Variants in ZNF341 observed in about 807,000 individuals in gnomAD.
ZNF341 encodes zinc finger protein 341.
In ZNF341, 52 loss-of-function variants were observed where a neutral mutation model predicts 87.7. The ratio of observed to expected loss-of-function variants is 0.59; its 90% CI spans 0.47 to 0.75. The LOEUF is 0.75. Ranked by LOEUF, ZNF341 falls within the 30% of genes least tolerant of loss-of-function variation. The probability of loss-of-function intolerance (pLI) is 0.00; values close to 1 mark genes in which losing one functional copy is unlikely to be tolerated. For missense variants in ZNF341, 977 were observed against 1,145.9 expected (o/e 0.85, Z 2.13); for synonymous variants, 459 against 472.7 (o/e 0.97, Z 0.38).
chr20:33,760,462 A>G (rs1471114355), intron 7 of ZNF341, among the ~76,000 whole-genome samples: 1 of 152,206 alleles, frequency 6.6e-6, no homozygotes, highest in African/African-American at 2.4e-5. Context: ...GCTACTGACT[A>G]TACATGGCTG....
rs1250110276 is a variant in ZNF341 at position 33,791,544 on chromosome 20, C to G, written c.*27C>G. 1 of 1,519,984 alleles carries G rather than the reference C, an allele frequency of 6.6e-7. No homozygotes were observed. The allele number at this position is 1,519,984 out of a possible 1,614,324, so 94.2% of individuals were successfully genotyped here. A position where few individuals can be genotyped will look rare whatever the true frequency, so the allele number is the denominator to read the frequency against. Reference sequence around the variant, plus strand: ...GGACCTGAGGTGTCTGTTTCCTGGGCAGGCCTGATGCTCCTGTTTGGGTCC... The same window carrying G: ...GGACCTGAGGTGTCTGTTTCCTGGGGAGGCCTGATGCTCCTGTTTGGGTCC... On this transcript the variant is annotated 3_prime_UTR_variant, in exon 15 of 15. Coordinates refer to ENST00000375200, the MANE Select transcript of ZNF341 (RefSeq NM_001282933.2).
chr20:33,789,541 A>G lies in ZNF341; in HGVS notation c.1988A>G (p.Glu663Gly), dbSNP rs1342653870. Reference sequence around the variant, plus strand: ...AGGACGCACACAGGCTGCAGTAAGGAGTTCAACCGGCCGGACAAGCTGAAG... The same window carrying G: ...AGGACGCACACAGGCTGCAGTAAGGGGTTCAACCGGCCGGACAAGCTGAAG... ...PFSTHTGCSK[E>G]FNRPDKLKAH... The change falls in exon 14 of 15, where the codon GAG becomes GGG. Residue 663 changes from glutamate to glycine, a missense_variant. Around this residue, in one of 3 missense-constraint regions of ZNF341, gnomAD observed 241 missense variants for 335.0 expected, o/e 0.72. Transcript: ENST00000375200. 3 of 1,614,044 alleles carry G rather than the reference A, an allele frequency of 1.9e-6. No homozygotes were observed. Among genetic ancestry groups the G allele is most frequent in the Non-Finnish European group, 2.5e-6 (3 of 1,179,988 alleles).
chr20:33,741,345 C>T (rs925263640), intron 2 of ZNF341, among the ~76,000 whole-genome samples: 1 of 151,982 alleles, frequency 6.6e-6, no homozygotes, highest in Non-Finnish European at 1.5e-5. Context: ...AAAGAATAGG[C>T]TGAGCATGAA....
rs1050977056 is a variant in ZNF341 at position 33,747,411 on chromosome 20, C to T, written c.340-1512C>T. 1.7e-3 allele frequency among the ~76,000 whole-genome samples: 236 copies of T among 136,908 alleles called. 20 individuals carry two copies. The highest frequency in any genetic ancestry group is 8.2e-3 in the African/African-American group (228 of 27,824). The allele number at this position is 136,908 out of a possible 152,430, so 89.8% of individuals were successfully genotyped here. ...CGGGCGGATCACGAGGTCAGGAGAT[C>T]GAGACCATCCCGGCTAAAACGGTGA... On this transcript the variant is annotated intron_variant, in intron 3 of 14. Transcript: ENST00000375200.
At position 33,732,062 on chromosome 20, in the gene ZNF341, G is replaced by A; in HGVS notation, c.31+10G>A. 1.6e-6 allele frequency: 2 copies of A among 1,272,284 alleles called. No individual in the cohort carries two copies. The highest frequency in any genetic ancestry group is 2.0e-6 in the Non-Finnish European group (2 of 1,004,170). 78.8% of individuals were successfully genotyped at this position (1,272,284 alleles called of 1,614,324 possible). On this transcript the variant is annotated intron_variant, in intron 1 of 14. Transcript: ENST00000375200. This position sits in a 1 kb window ranked among gnomAD's most constrained non-coding sequence, Gnocchi z 4.5. ...TTTGAGGCCCTGGAGGGTGAGCGGC[G>A]GCGGGGCCGGCGGAGGCGGCTGTTC...
At position 33,791,232 on chromosome 20, in the gene ZNF341, G is replaced by C; in HGVS notation, c.2280G>C (p.Gly760=). Residue 760 remains glycine, a synonymous_variant, in exon 15 of 15, where the codon GGG becomes GGC. Coordinates refer to ENST00000375200, the MANE Select transcript of ZNF341 (RefSeq NM_001282933.2). Reference sequence around the variant, plus strand: ...CCCCCCGCAGTTGCGGCAGTGGTGGGCGCAAGGTGCTGACCCCCTTGCCTG... The same window carrying C: ...CCCCCCGCAGTTGCGGCAGTGGTGGCCGCAAGGTGCTGACCCCCTTGCCTG... ...RAAPRSCGSG[G]RKVLTPLPDP... 8.7e-6 allele frequency: 14 copies of C among 1,611,936 alleles called. No individual in the cohort carries two copies. Among genetic ancestry groups the C allele is most frequent in the Non-Finnish European group, 1.0e-5 (12 of 1,179,438 alleles).
In ZNF341 at chr20:33,779,714, G is replaced by A. The variant is rs80341145; in HGVS notation, c.1623-1577G>A. On this transcript the variant is annotated intron_variant, in intron 10 of 14. Coordinates refer to ENST00000375200, the MANE Select transcript of ZNF341 (RefSeq NM_001282933.2). ...GATCTGCCCACCTCAGCCTCCCAAA[G>A]TGCTGGGATTACAGGCATGAGGCAC... 2.1e-3 allele frequency among the ~76,000 whole-genome samples: 317 copies of A among 152,218 alleles called. 7 individuals carry two copies. In the East Asian group the frequency reaches 0.054, roughly 26 times the overall value.
At chr20:33,768,455 A>G (rs1374294647) in intron 9 of ZNF341, among the ~76,000 whole-genome samples, 1 of 144,340 alleles carries the variant, frequency 6.9e-6, no homozygotes, top group Non-Finnish European at 1.5e-5. Context: ...ACAGGGTCTC[A>G]CTCTGTCACC....
At chr20:33,754,335 C>G (rs1326346355) in intron 5 of ZNF341, among the ~76,000 whole-genome samples, 1 of 152,092 alleles carries the variant, frequency 6.6e-6, no homozygotes, top group East Asian at 1.9e-4. Context: ...GTTCATAGAA[C>G]CTTCCAAGAC....
chr20:33,754,756 C>G (rs1446029918), intron 5 of ZNF341, among the ~76,000 whole-genome samples: 1 of 152,086 alleles, frequency 6.6e-6, no homozygotes, highest in African/African-American at 2.4e-5. Context: ...ACTTTGCATC[C>G]TTAGCACCTA....
chr20:33,791,554 G>T lies in ZNF341; in HGVS notation c.*37G>T. ...TGTCTGTTTCCTGGGCAGGCCTGAT[G>T]CTCCTGTTTGGGTCCAGGGCCCCTG... On this transcript the variant is annotated 3_prime_UTR_variant, in exon 15 of 15. Coordinates refer to ENST00000375200, the MANE Select transcript of ZNF341 (RefSeq NM_001282933.2). The T allele has an allele frequency of 6.6e-7, 1 of 1,504,610 alleles. No homozygotes were observed. Among genetic ancestry groups the T allele is most frequent in the Non-Finnish European group, 8.8e-7 (1 of 1,131,052 alleles). The allele number at this position is 1,504,610 out of a possible 1,614,324, so 93.2% of individuals were successfully genotyped here. A position where few individuals can be genotyped will look rare whatever the true frequency, so the allele number is the denominator to read the frequency against.
At chr20:33,777,645 A>G (rs889950010) in intron 10 of ZNF341, among the ~76,000 whole-genome samples, 2 of 152,074 alleles carry the variant, frequency 1.3e-5, no homozygotes, top group African/African-American at 4.8e-5. Context: ...AAAAAAAAAA[A>G]AAAAGAAGAA....
intron 1 of ZNF341, among the ~76,000 whole-genome samples, chr20:33,738,221 T>A (rs2018731950): frequency 1.3e-5 from 2 of 152,026 alleles, no homozygotes; most frequent in Non-Finnish European, 2.9e-5. Context: ...GGAGGATCCC[T>A]TGAGTGCAAG....
At chr20:33,781,266 C>T (rs778628170) in intron 10 of ZNF341, 25 bp from the exon 11 acceptor site, 2 of 1,596,200 alleles carry the variant, frequency 1.3e-6, no homozygotes, top group Non-Finnish European at 1.7e-6. Context: ...TTTCCTCCCT[C>T]ATCTCTCCTG....
chr20:33,743,257 C>T lies in ZNF341; in HGVS notation c.143-1846C>T, dbSNP rs369572077. Among the ~76,000 whole-genome samples the T allele has an allele frequency of 1.2e-4, 18 of 151,750 alleles. No homozygotes were observed. In the East Asian group the frequency reaches 2.7e-3, roughly 23 times the overall value. ...ATGTTGGCCAGGCTGGTCTCGAACTCGTGACCCTCAGGTGATCCGCCTGCC... is the reference window on the plus strand; with the variant it reads ...ATGTTGGCCAGGCTGGTCTCGAACTTGTGACCCTCAGGTGATCCGCCTGCC... On this transcript the variant is annotated intron_variant, in intron 2 of 14. Transcript: ENST00000375200.
chr20:33,742,363 AT>A (rs1245815815), intron 2 of ZNF341, among the ~76,000 whole-genome samples: 2 of 151,878 alleles, frequency 1.3e-5, no homozygotes, highest in Non-Finnish European at 1.5e-5. Flanking sequence ...TGCCCAGCTA[AT>A]TTTTGTATTT....
intron 12 of ZNF341, chr20:33,787,668 C>G (rs2019896561): frequency 6.6e-6 from 1 of 152,228 alleles, no homozygotes. Context: ...CTGGGTAGCT[C>G]AGATGGGCTC....
At chr20:33,744,513 T>C (rs1221271060) in intron 2 of ZNF341, among the ~76,000 whole-genome samples, 1 of 152,176 alleles carries the variant, frequency 6.6e-6, no homozygotes, top group African/African-American at 2.4e-5. Context: ...AACTTTGTAG[T>C]GAACATACTT....
At chr20:33,789,718 C>A in intron 14 of ZNF341, 130 bp downstream of exon 14, 2 of 983,444 alleles carry the variant, frequency 2.0e-6, no homozygotes, top group Non-Finnish European at 3.1e-6. Context: ...TTCCAGCCAG[C>A]ACTTTCACTT....
Sources: gnomAD v4.1 joint callset for allele counts (sites outside exome capture counted in the v4.1 genomes callset) on GRCh38, gnomAD v4.1.1 for gene constraint, gnomAD v4.1.1 regional missense constraint, Gnocchi (gnomAD v3.1) non-coding constraint, MANE v1.5 for transcripts, NCBI Gene and HGNC (gene_info 2026-07-23, HGNC 2026-07-21) for gene names.